The following LAMP1 variants were observed in gnomAD, a reference collection of about 807,000 sequenced individuals.
LAMP1 encodes lysosome associated membrane protein 1, also known as lysosome-associated membrane glycoprotein 1.
In LAMP1, 7 loss-of-function variants were observed where a neutral mutation model predicts 37.5. The ratio of observed to expected loss-of-function variants is 0.19; its 90% CI spans 0.11 to 0.35. The LOEUF is 0.35. LAMP1 is among the 10% of genes least tolerant of loss of function. The pLI, the probability that LAMP1 is intolerant of heterozygous loss-of-function variation, is 1.00. For missense variants in LAMP1, 537 were observed against 552.8 expected, an observed-to-expected ratio of 0.97 and a Z score of 0.29; for synonymous variants, 236 against 229.1, an observed-to-expected ratio of 1.03 and a Z score of -0.27.
intron 2 of LAMP1, among the ~76,000 whole-genome samples, chr13:113,307,092 G>T (rs1296157484): frequency 2.6e-5 from 4 of 151,394 alleles, no homozygotes; most frequent in African/African-American, 9.7e-5. Flanking sequence ...ACCCGCCTTG[G>T]CCTCCCAAAG....
rs369272384 is a variant in LAMP1, at chr13:113,309,684, C to T, written c.225C>T (p.Leu75=). 3.7e-6 allele frequency: 6 copies of T among 1,614,038 alleles called. No individual in the cohort carries two copies. The African/African-American group carries it at 4.0e-5, about 11-fold the overall frequency. ...FDLPSDATVV[L]NRSSCGKENT... ...TGCCATCAGATGCCACAGTGGTGCT[C>T]AACCGCAGCTCCTGTGGAAAAGAGA... Residue 75 remains leucine, a synonymous_variant, in exon 3 of 9, where the codon CTC becomes CTT. Coordinates refer to ENST00000332556, the MANE Select transcript of LAMP1 (RefSeq NM_005561.4).
chr13:113,317,604 T>C (rs1430950434), intron 4 of LAMP1, among the ~76,000 whole-genome samples: 1 of 152,142 alleles, frequency 6.6e-6, no homozygotes, highest in Non-Finnish European at 1.5e-5. Context: ...CCATCTAGAC[T>C]AGAATTTGGA....
In LAMP1 at chr13:113,297,581, C is replaced by A; in HGVS notation, c.61+86C>A. 2 of 1,163,946 alleles carry A rather than the reference C, an allele frequency of 1.7e-6. No individual in the cohort carries two copies. The highest frequency in any genetic ancestry group is 8.6e-5 in the South Asian group (2 of 23,384). The allele number at this position is 1,163,946 out of a possible 1,614,324, so 72.1% of individuals were successfully genotyped here. On this transcript the variant is annotated intron_variant, in intron 1 of 8. Transcript: ENST00000332556. The surrounding 1 kb of genome is among the most constrained non-coding windows in gnomAD (Gnocchi z 4.4). ...TCTTGAGGGCGGGGGACTGCCGGGT[C>A]GTTGTCCCGCGGGTCGCCCCGCACC...
intron 1 of LAMP1, among the ~76,000 whole-genome samples, chr13:113,304,322 T>TC (rs1752538736): frequency 3.3e-5 from 5 of 152,206 alleles, no homozygotes; most frequent in Admixed American, 3.3e-4. Context: ...AGTCTCCCTG[T>TC]CCACGCTGAG....
rs544974513 is a variant in LAMP1, at chr13:113,315,656, C to T, written c.563-3813C>T. On this transcript the variant is annotated intron_variant, in intron 4 of 8. Coordinates refer to ENST00000332556, the MANE Select transcript of LAMP1 (RefSeq NM_005561.4). ...TGCTGGGATTATAGGTGTGAGCCAC[C>T]GTGCCCGGCCCATCTTGCCTTTCAA... Among the ~76,000 whole-genome samples, 26 of 151,698 alleles carry T rather than the reference C, an allele frequency of 1.7e-4. No homozygotes were observed. In the East Asian group the frequency reaches 2.2e-3, roughly 13 times the overall value.
intron 1 of LAMP1, among the ~76,000 whole-genome samples, chr13:113,302,086 C>T (rs546206553): frequency 2.6e-5 from 4 of 151,322 alleles, no homozygotes; most frequent in African/African-American, 7.3e-5. Context: ...TGGTCTCAAA[C>T]GCCTAACCTC....
At position 113,323,210 on chromosome 13, in the gene LAMP1, G is replaced by A. The variant is rs2042716372; in HGVS notation, c.*789G>A. On this transcript the variant is annotated 3_prime_UTR_variant, in exon 9 of 9. Transcript: ENST00000332556. The stretch of plus-strand genomic sequence containing the variant: ...TCTAATGTCTGCAGCTCAAGGGCTG[G>A]CACTTTTTTAAATATAAAAATGGGT... The A allele has an allele frequency of 6.6e-6, 1 of 152,132 alleles. No individual in the cohort carries two copies. Among genetic ancestry groups the A allele is most frequent in the Non-Finnish European group, 1.5e-5 (1 of 68,028 alleles). 9.4% of individuals were successfully genotyped at this position (152,132 alleles called of 1,614,324 possible). A position where few individuals can be genotyped will look rare whatever the true frequency, so the allele number is the denominator to read the frequency against.
At chr13:113,319,268 G>A (rs549286742) in intron 4 of LAMP1, among the ~76,000 whole-genome samples, 1 of 152,342 alleles carries the variant, frequency 6.6e-6, no homozygotes, top group Admixed American at 6.5e-5. Flanking sequence ...TGTGCCTACC[G>A]CCCTGAGCCG....
chr13:113,318,752 C>CA (rs1287829680), intron 4 of LAMP1, among the ~76,000 whole-genome samples: 1 of 152,066 alleles, frequency 6.6e-6, no homozygotes, highest in African/African-American at 2.4e-5. Context: ...CACCCACACT[C>CA]ACTGCCTTCT....
intron 1 of LAMP1, among the ~76,000 whole-genome samples, chr13:113,299,064 C>G (rs1044151129): frequency 2.2e-4 from 34 of 152,094 alleles, no homozygotes; most frequent in African/African-American, 5.5e-4. Context: ...TGCTTGAACC[C>G]GGGAAGCAGA....
chr13:113,319,541 C>G lies in LAMP1; in HGVS notation c.635C>G (p.Pro212Arg). 7 of 1,614,016 alleles carry G rather than the reference C, an allele frequency of 4.3e-6. No homozygotes were observed. Among genetic ancestry groups the G allele is most frequent in the Non-Finnish European group, 5.9e-6 (7 of 1,180,014 alleles). The change falls in exon 5 of 9, where the codon CCC (proline) becomes CGC (arginine). Residue 212 changes from proline to arginine, a missense_variant. Transcript: ENST00000332556. ...GCGCCACCCAGCCCCTCGCCCTCAC[C>G]CGTGCCCAAGAGCCCCTCTGTGGAC... ...PPAPPSPSPSPVPKSPSVDKY... is the reference protein window; with the variant it reads ...PPAPPSPSPSRVPKSPSVDKY...
intron 1 of LAMP1, among the ~76,000 whole-genome samples, chr13:113,303,103 G>A (rs1797276328): frequency 6.6e-6 from 1 of 152,172 alleles, no homozygotes; most frequent in African/African-American, 2.4e-5. Context: ...CGTCAGTGCC[G>A]GGCACCAAAT....
Position 113,310,854 on chromosome 13 carries a change from C to T in LAMP1, c.549C>T (p.Ser183=), listed in dbSNP as rs1483096587. 1 of 1,613,304 alleles carries T rather than the reference C, an allele frequency of 6.2e-7. No homozygotes were observed. The highest frequency in any genetic ancestry group is 8.5e-7 in the Non-Finnish European group (1 of 1,179,840). The change falls in exon 4 of 9, where the codon AGC becomes AGT. Residue 183 remains serine, a synonymous_variant. Transcript: ENST00000332556. The part of the protein sequence containing the change: ...ATIQAYLSNS[S]FSRGETRCEQ... ...TCCAGGCGTACCTTTCCAACAGCAG[C>T]TTCAGCCGGGGAGGTAGGACGCTGA...
chr13:113,321,307 CCATT>C lies in LAMP1; in HGVS notation c.877-94_877-91del. ...GGAAGTCAGGTTTATTACCCAATGA[CCATT>C]CACGTTTGATGATAAATGTGTGAAT... On this transcript the variant is annotated intron_variant, in intron 6 of 8. Transcript: ENST00000332556. The surrounding 1 kb of genome is among the most constrained non-coding windows in gnomAD (Gnocchi z 5.6). The C allele has an allele frequency of 2.1e-6, 2 of 971,442 alleles. No individual in the cohort carries two copies. Among genetic ancestry groups the C allele is most frequent in the South Asian group, 1.3e-5 (1 of 77,208 alleles). The allele number at this position is 971,442 out of a possible 1,614,324, so 60.2% of individuals were successfully genotyped here.
At chr13:113,312,651 C>T (rs551070475) in intron 4 of LAMP1, among the ~76,000 whole-genome samples, 5 of 152,340 alleles carry the variant, frequency 3.3e-5, no homozygotes, top group South Asian at 2.1e-4. Flanking sequence ...CAACACAGGG[C>T]CCCGGGGGCC....
At chr13:113,312,462 C>T (rs1353569207) in intron 4 of LAMP1, among the ~76,000 whole-genome samples, 1 of 152,236 alleles carries the variant, frequency 6.6e-6, no homozygotes, top group Non-Finnish European at 1.5e-5. Flanking sequence ...GAAATATTTA[C>T]TGTCTGTAGC....
intron 1 of LAMP1, among the ~76,000 whole-genome samples, chr13:113,304,147 T>C (rs2042587040): frequency 6.6e-6 from 1 of 152,258 alleles, no homozygotes; most frequent in Non-Finnish European, 1.5e-5. Flanking sequence ...TGACTTAGTT[T>C]GAAATATTTC....
intron 1 of LAMP1, among the ~76,000 whole-genome samples, chr13:113,303,250 G>T (rs1306757094): frequency 6.6e-6 from 1 of 152,188 alleles, no homozygotes; most frequent in Non-Finnish European, 1.5e-5. Flanking sequence ...AGAACTGAGG[G>T]CTGTGACTCA....
intron 4 of LAMP1, among the ~76,000 whole-genome samples, chr13:113,312,065 T>C (rs912872105): frequency 6.6e-6 from 1 of 152,202 alleles, no homozygotes; most frequent in Non-Finnish European, 1.5e-5. Context: ...TGGAGACCTT[T>C]GGTTTGCAAC....
Sources: allele counts gnomAD v4.1 joint callset (sites outside exome capture counted in the v4.1 genomes callset), GRCh38; gene constraint gnomAD v4.1.1; non-coding constraint Gnocchi (gnomAD v3.1); transcripts MANE v1.5; gene names NCBI Gene and HGNC (gene_info 2026-07-23, HGNC 2026-07-21).